The following CTNNA3 variants were observed in gnomAD, a reference collection of about 807,000 sequenced individuals.
CTNNA3 encodes catenin alpha-3.
CTNNA3 carries 76 observed loss-of-function variants against 95.7 expected under a neutral mutation model. The ratio of observed to expected loss-of-function variants is 0.79; its 90% CI spans 0.66 to 0.96. The LOEUF (loss-of-function observed/expected upper bound fraction) is 0.96. Ranked by LOEUF, CTNNA3 falls within the 40% of genes least tolerant of loss-of-function variation. The pLI, the probability that CTNNA3 is intolerant of heterozygous loss-of-function variation, is 0.00. For missense variants in CTNNA3, 1,191 were observed against 1,089.8 expected (o/e 1.09, Z -1.31); for synonymous variants, 431 against 374.4 (o/e 1.15, Z -1.74).
chr10:66,329,020 G>A lies in CTNNA3; in HGVS notation c.1733-48399C>T, dbSNP rs556159969. Among the ~76,000 whole-genome samples the A allele has an allele frequency of 3.5e-4, 52 of 147,628 alleles. No homozygotes were observed. The South Asian group carries it at 9.7e-3, about 28-fold the overall frequency. On this transcript the variant is annotated intron_variant, in intron 12 of 17. Transcript: ENST00000433211. ...GGCTGGAGTGCAATGTCACGATCTC[G>A]GCTCACTGCAACCTCTGCCTCCGGA...
intron 9 of CTNNA3, among the ~76,000 whole-genome samples, chr10:66,661,445 G>A (rs1056050936): frequency 1.3e-5 from 2 of 152,042 alleles, no homozygotes; most frequent in African/African-American, 2.4e-5. Flanking sequence ...GGGATTCTGG[G>A]AGATACAATT....
At chr10:66,944,629 A>G (rs529048518) in intron 7 of CTNNA3, among the ~76,000 whole-genome samples, 1 of 152,316 alleles carries the variant, frequency 6.6e-6, no homozygotes, top group East Asian at 1.9e-4. Flanking sequence ...TATCCAAGGC[A>G]GCATGAGACT....
At chr10:67,449,999 C>A (rs1390994549) in intron 5 of CTNNA3, among the ~76,000 whole-genome samples, 1 of 151,912 alleles carries the variant, frequency 6.6e-6, no homozygotes, top group African/African-American at 2.4e-5. Context: ...TGAACAGGCA[C>A]TTTTCAAGAG....
chr10:66,197,789 C>T (rs1032247650), intron 13 of CTNNA3, among the ~76,000 whole-genome samples: 3 of 152,050 alleles, frequency 2.0e-5, no homozygotes, highest in Non-Finnish European at 2.9e-5. Flanking sequence ...TTTTATGGTG[C>T]GCTGTTCTTC....
At chr10:67,725,081 G>C (rs1015665042) in intron 1 of CTNNA3, among the ~76,000 whole-genome samples, 1 of 151,468 alleles carries the variant, frequency 6.6e-6, no homozygotes, top group Non-Finnish European at 1.5e-5. Flanking sequence ...CTTTCTCAGG[G>C]TATACACTAT....
At chr10:66,865,042 G>A (rs762454953) in intron 7 of CTNNA3, among the ~76,000 whole-genome samples, 1 of 152,002 alleles carries the variant, frequency 6.6e-6, no homozygotes, top group African/African-American at 2.4e-5. Flanking sequence ...AAAGGATTGA[G>A]GGTCCCAATT....
At chr10:66,307,680 CATT>C (rs1377009976) in intron 12 of CTNNA3, among the ~76,000 whole-genome samples, 5 of 151,836 alleles carry the variant, frequency 3.3e-5, no homozygotes, top group African/African-American at 1.2e-4. Flanking sequence ...CTGTGACACT[CATT>C]ATGAATTTCA....
chr10:66,738,733 A>T (rs921718163), intron 9 of CTNNA3, among the ~76,000 whole-genome samples: 4 of 152,142 alleles, frequency 2.6e-5, no homozygotes, highest in African/African-American at 9.7e-5. Flanking sequence ...TCCTTTTCTG[A>T]TCTTGTCAAT....
At chr10:67,584,970 C>T (rs976925689) in intron 3 of CTNNA3, among the ~76,000 whole-genome samples, 8 of 152,224 alleles carry the variant, frequency 5.3e-5, no homozygotes, top group Non-Finnish European at 5.9e-5. Context: ...TCTGTCACGG[C>T]TTTCCTTGGC....
At chr10:66,019,442 C>A (rs182441828) in intron 15 of CTNNA3, among the ~76,000 whole-genome samples, 10 of 139,000 alleles carry the variant, frequency 7.2e-5, no homozygotes, top group Admixed American at 2.2e-4. Context: ...GGAATCAGAT[C>A]CCCCCCAAAA....
intron 7 of CTNNA3, among the ~76,000 whole-genome samples, chr10:66,832,303 G>T (rs1367178050): frequency 6.6e-6 from 1 of 152,052 alleles, no homozygotes; most frequent in African/African-American, 2.4e-5. Context: ...GTCTCATGTA[G>T]ATATCTAAGA....
intron 11 of CTNNA3, among the ~76,000 whole-genome samples, chr10:66,392,898 A>G (rs1050988928): frequency 6.6e-6 from 1 of 152,006 alleles, no homozygotes; most frequent in African/African-American, 2.4e-5. Context: ...ATACCTTGGT[A>G]TTTACCCAGA....
chr10:66,576,631 T>G (rs980897201), intron 10 of CTNNA3, among the ~76,000 whole-genome samples: 3 of 152,136 alleles, frequency 2.0e-5, no homozygotes, highest in Non-Finnish European at 4.4e-5. Flanking sequence ...GACCTCCAGC[T>G]ACATTTCATG....
intron 9 of CTNNA3, among the ~76,000 whole-genome samples, chr10:66,670,435 A>T (rs1389534256): frequency 6.6e-6 from 1 of 152,078 alleles, no homozygotes; most frequent in Non-Finnish European, 1.5e-5. Flanking sequence ...TTCTCCAGGG[A>T]TGGTTCTTAA....
intron 17 of CTNNA3, among the ~76,000 whole-genome samples, chr10:65,957,856 T>C (rs2444216): frequency 0.14 from 21,753 of 152,146 alleles, 1,775 homozygotes; most frequent in South Asian, 0.26. Flanking sequence ...CTGACAATTA[T>C]GTGTCTTGGA....
intron 9 of CTNNA3, among the ~76,000 whole-genome samples, chr10:66,740,482 G>T (rs919896386): frequency 2.0e-5 from 3 of 152,102 alleles, no homozygotes; most frequent in African/African-American, 7.2e-5. Context: ...TTTCTTTCAT[G>T]CATTGAATTA....
chr10:66,828,621 G>A (rs115787169), intron 7 of CTNNA3, among the ~76,000 whole-genome samples: 8,435 of 152,256 alleles, frequency 0.055, 280 homozygotes, highest in South Asian at 0.099. Flanking sequence ...ATGAATATCA[G>A]CTTCTTCTGA....
intron 11 of CTNNA3, among the ~76,000 whole-genome samples, chr10:66,420,859 CT>C (rs1740203264): frequency 7.3e-6 from 1 of 136,146 alleles, no homozygotes; most frequent in Non-Finnish European, 1.6e-5. Context: ...ATGGAGATTT[CT>C]CAAACAAACT....
At chr10:66,462,994 A>G (rs2093539677) in intron 11 of CTNNA3, among the ~76,000 whole-genome samples, 1 of 152,180 alleles carries the variant, frequency 6.6e-6, no homozygotes, top group African/African-American at 2.4e-5. Flanking sequence ...GGAATGAACG[A>G]TAGGCAGTTT....
Sources: allele counts gnomAD v4.1 joint callset (sites outside exome capture counted in the v4.1 genomes callset), GRCh38; gene constraint gnomAD v4.1.1; transcripts MANE v1.5; gene names NCBI Gene and HGNC (gene_info 2026-07-23, HGNC 2026-07-21).